HEPHL1: variants seen among roughly 807,000 people sequenced by gnomAD.
The protein encoded by HEPHL1 is ferroxidase HEPHL1.
In HEPHL1, 123 loss-of-function variants were observed where a neutral mutation model predicts 122.0. That is an observed-to-expected ratio of 1.01 (90% confidence interval 0.87 to 1.17). The LOEUF is 1.17. Among genes scored for constraint, HEPHL1 ranks in the 50% most tolerant of loss-of-function variants. The pLI is 0.00. For missense variants in HEPHL1, 1,452 were observed against 1,430.5 expected, an observed-to-expected ratio of 1.01 and a Z score of -0.24; for synonymous variants, 527 against 508.9, an observed-to-expected ratio of 1.04 and a Z score of -0.48.
At position 94,110,956 on chromosome 11, in the gene HEPHL1, A is replaced by G. The variant is rs749385621; in HGVS notation, c.3099A>G (p.Gln1033=). The change falls in exon 18 of 20, where the codon CAA becomes CAG. Residue 1033 remains glutamine (Q), a synonymous_variant. Coordinates refer to ENST00000315765, the MANE Select transcript of HEPHL1 (RefSeq NM_001098672.2). Reference sequence around the variant, plus strand: ...ATGATCTCTTTCCTGGGACATTCCAAACCATTGAACTGTTTGCAGATCACC... The same window carrying G: ...ATGATCTCTTTCCTGGGACATTCCAGACCATTGAACTGTTTGCAGATCACC... ...DVYDLFPGTF[Q]TIELFADHPG... The G allele has an allele frequency of 3.1e-6, 5 of 1,613,108 alleles. No homozygotes were observed. In the African/African-American group the frequency reaches 6.7e-5, roughly 22 times the overall value.
chr11:94,036,301 C>A (rs1200392114), intron 1 of HEPHL1, among the ~76,000 whole-genome samples: 1 of 152,172 alleles, frequency 6.6e-6, no homozygotes, highest in Non-Finnish European at 1.5e-5. Flanking sequence ...TATAGCTCCA[C>A]CTGCTGATGT....
At position 94,104,487 on chromosome 11, in the gene HEPHL1, T is replaced by A. The variant is rs778612725; in HGVS notation, c.2683-41T>A. On this transcript the variant is annotated intron_variant, in intron 15 of 19. Coordinates refer to ENST00000315765, the MANE Select transcript of HEPHL1 (RefSeq NM_001098672.2). ...CAGGTGGAATGAAATATTATTAAATTACTTAATGGCTCTTTTAACTCAGTT... is the reference window on the plus strand; with the variant it reads ...CAGGTGGAATGAAATATTATTAAATAACTTAATGGCTCTTTTAACTCAGTT... 4.2e-5 allele frequency: 57 copies of A among 1,358,302 alleles called. No individual in the cohort carries two copies. In the Admixed American group the frequency reaches 1.0e-3, roughly 24 times the overall value. 84.1% of individuals were successfully genotyped at this position (1,358,302 alleles called of 1,614,324 possible). A position where few individuals can be genotyped will look rare whatever the true frequency, so the allele number is the denominator to read the frequency against.
At chr11:94,101,035 C>T (rs1163996423) in intron 13 of HEPHL1, among the ~76,000 whole-genome samples, 160 bp from the exon 14 acceptor site, 1 of 152,230 alleles carries the variant, frequency 6.6e-6, no homozygotes, top group African/African-American at 2.4e-5. Flanking sequence ...TTTAATACTA[C>T]ACAATGTTGC....
intron 2 of HEPHL1, among the ~76,000 whole-genome samples, chr11:94,062,405 A>G (rs1278410264): frequency 1.3e-5 from 2 of 152,206 alleles, no homozygotes; most frequent in Admixed American, 6.5e-5. Flanking sequence ...CCACGCTTTC[A>G]TGGTAGAATT....
chr11:94,066,876 C>T (rs538126412), intron 4 of HEPHL1, among the ~76,000 whole-genome samples: 4 of 152,248 alleles, frequency 2.6e-5, no homozygotes, highest in South Asian at 4.1e-4. Flanking sequence ...CCTGGATTTA[C>T]GCCATAAACT....
chr11:94,106,418 G>C (rs1318634329), intron 17 of HEPHL1, among the ~76,000 whole-genome samples: 1 of 150,538 alleles, frequency 6.6e-6, no homozygotes, highest in African/African-American at 2.4e-5. Flanking sequence ...TCAGCCTCCC[G>C]AGTAGCTGGG....
intron 8 of HEPHL1, among the ~76,000 whole-genome samples, chr11:94,073,787 G>T (rs1327904284): frequency 6.6e-6 from 1 of 152,118 alleles, no homozygotes; most frequent in African/African-American, 2.4e-5. Flanking sequence ...TTCAGTTGCA[G>T]GTTGCATAGG....
At chr11:94,093,969 C>CAGATAGATAGAT (rs1382570113) in intron 13 of HEPHL1, among the ~76,000 whole-genome samples, 34 of 50,724 alleles carry the variant, frequency 6.7e-4, no homozygotes, top group East Asian at 2.2e-3. Context: ...AATCCTCCAG[C>CAGATAGATAGAT]AGATATATAT....
intron 1 of HEPHL1, among the ~76,000 whole-genome samples, chr11:94,027,893 G>A (rs1161354201): frequency 6.6e-6 from 1 of 152,118 alleles, no homozygotes; most frequent in Non-Finnish European, 1.5e-5. Flanking sequence ...TAATAGGGAG[G>A]GTGCAGCTTC....
chr11:94,061,174 A>G (rs957399788), intron 2 of HEPHL1, among the ~76,000 whole-genome samples: 1 of 152,158 alleles, frequency 6.6e-6, no homozygotes, highest in African/African-American at 2.4e-5. Flanking sequence ...AGGAGAGCTA[A>G]TGATCCCTGG....
At chr11:94,087,579 T>G (rs1235272277) in intron 11 of HEPHL1, among the ~76,000 whole-genome samples, 1 of 152,210 alleles carries the variant, frequency 6.6e-6, no homozygotes, top group African/African-American at 2.4e-5. Flanking sequence ...TTATTAGTTT[T>G]GTTTTCTTCT....
At chr11:94,111,472 C>G in intron 18 of HEPHL1, 65 bp from the exon 19 acceptor site, 1 of 1,231,276 alleles carries the variant, frequency 8.1e-7, no homozygotes, top group Non-Finnish European at 1.2e-6. Context: ...AATGAAATGA[C>G]TAGTGTCATG....
intron 6 of HEPHL1, 134 bp downstream of exon 6, chr11:94,070,676 T>A: frequency 1.4e-6 from 1 of 716,570 alleles, no homozygotes; most frequent in Non-Finnish European, 2.2e-6. Flanking sequence ...TGTAGCTGCT[T>A]AAGGTGTTCT....
At chr11:94,050,463 G>A (rs1167324601) in intron 2 of HEPHL1, among the ~76,000 whole-genome samples, 1 of 152,018 alleles carries the variant, frequency 6.6e-6, no homozygotes, top group African/African-American at 2.4e-5. Context: ...GAGGCTAGCT[G>A]TACATTTTTT....
chr11:94,097,430 C>T (rs1009409549), intron 13 of HEPHL1, among the ~76,000 whole-genome samples: 1 of 152,180 alleles, frequency 6.6e-6, no homozygotes, highest in African/African-American at 2.4e-5. Context: ...TAGTGCTTTA[C>T]TTCCAACTAT....
intron 1 of HEPHL1, among the ~76,000 whole-genome samples, chr11:94,036,456 A>G (rs1342296186): frequency 6.6e-6 from 1 of 152,138 alleles, no homozygotes; most frequent in Admixed American, 6.5e-5. Context: ...TTGGTGCAGG[A>G]CACTCTAGAG....
rs1946393954 is a variant in HEPHL1 at position 94,104,602 on chromosome 11, T to G, written c.2757T>G (p.Ser919Arg). The change falls in exon 16 of 20, where the codon AGT becomes AGG. Residue 919 changes from serine (S) to arginine (R), a missense_variant. Physicochemically the swap from Ser to Arg is moderately radical, Grantham distance 110 (BLOSUM62 -1). Coordinates refer to ENST00000315765, the MANE Select transcript of HEPHL1 (RefSeq NM_001098672.2). ...KGVLNEKGRR[S>R]DVDYEFALLF... is the part of the protein sequence containing the mutation. ...TCTTGAATGAAAAGGGAAGAAGAAG[T>G]GACGTTGATTATGAATTTGCTCTCT... 3.7e-6 allele frequency: 6 copies of G among 1,613,832 alleles called. No individual in the cohort carries two copies. The highest frequency in any genetic ancestry group is 2.7e-5 in the African/African-American group (2 of 75,018).
intron 2 of HEPHL1, among the ~76,000 whole-genome samples, chr11:94,046,598 G>T (rs1017439278): frequency 2.0e-5 from 3 of 149,258 alleles, no homozygotes; most frequent in East Asian, 3.9e-4. Context: ...CTTGGCTGTG[G>T]GTACATTTTT....
At chr11:94,042,924 G>C (rs1945799776) in intron 1 of HEPHL1, among the ~76,000 whole-genome samples, 1 of 144,726 alleles carries the variant, frequency 6.9e-6, no homozygotes, top group Admixed American at 7.1e-5. Context: ...GGCCCAGAGT[G>C]GGTGGATTGA....
Sources: allele counts gnomAD v4.1 joint callset (sites outside exome capture counted in the v4.1 genomes callset), GRCh38; gene constraint gnomAD v4.1.1; transcripts MANE v1.5; gene names NCBI Gene and HGNC (gene_info 2026-07-23, HGNC 2026-07-21).